The following OR51B5 variants were observed in gnomAD, a reference collection of about 807,000 sequenced individuals.
OR51B5 encodes the protein olfactory receptor family 51 subfamily B member 5.
For missense variants in OR51B5, 456 were observed against 374.6 expected, an observed-to-expected ratio of 1.22 and a Z score of -1.79; for synonymous variants, 186 against 144.8, an observed-to-expected ratio of 1.28 and a Z score of -2.04.
chr11:5,360,997 G>A (rs1196712441), intron 1 of OR51B5, among the ~76,000 whole-genome samples: 1 of 151,290 alleles, frequency 6.6e-6, no homozygotes, highest in Non-Finnish European at 1.5e-5. Context: ...CAGTGGGGTG[G>A]GGGTCGGGGG....
chr11:5,476,834 G>C (rs1428644463), intron 1 of OR51B5, among the ~76,000 whole-genome samples: 14 of 152,178 alleles, frequency 9.2e-5, no homozygotes, highest in Admixed American at 9.2e-4. Context: ...TTGCTGATAT[G>C]TTACAGAGTT....
chr11:5,446,727 T>C (rs561972058), intron 1 of OR51B5, among the ~76,000 whole-genome samples: 6 of 152,332 alleles, frequency 3.9e-5, no homozygotes, highest in African/African-American at 1.4e-4. Flanking sequence ...TATCCCATTC[T>C]AGGGACATCT....
At chr11:5,403,333 A>C (rs2133743432) in intron 1 of OR51B5, 1 of 471,620 alleles carries the variant, frequency 2.1e-6, no homozygotes, top group Non-Finnish European at 4.4e-6. Flanking sequence ...TGTGGCTCAC[A>C]CGTCTGTGCT....
chr11:5,354,007 T>TTATATTTACC (rs1372766940), intron 1 of OR51B5, among the ~76,000 whole-genome samples: 1 of 152,242 alleles, frequency 6.6e-6, no homozygotes, highest in Admixed American at 6.5e-5. Context: ...TTCTTGACTG[T>TTATATTTACC]GTGCTCGAGG....
intron 1 of OR51B5, among the ~76,000 whole-genome samples, chr11:5,377,882 A>C (rs1042974963): frequency 7.9e-5 from 12 of 152,052 alleles, no homozygotes; most frequent in African/African-American, 1.4e-4. Flanking sequence ...AATGGCCATA[A>C]TGCCCAAGGT....
intron 1 of OR51B5, among the ~76,000 whole-genome samples, chr11:5,432,826 G>A (rs1481470642): frequency 6.6e-6 from 1 of 152,122 alleles, no homozygotes. Flanking sequence ...TTGTAGTAAG[G>A]TTACCAATTT....
At chr11:5,385,339 T>C (rs942221101) in intron 1 of OR51B5, 1 of 152,114 alleles carries the variant, frequency 6.6e-6, no homozygotes, top group East Asian at 1.9e-4. Flanking sequence ...AGCCCTGTCA[T>C]TGTCTCTGTA....
chr11:5,368,649 G>C (rs905218214), intron 1 of OR51B5, among the ~76,000 whole-genome samples: 1 of 152,132 alleles, frequency 6.6e-6, no homozygotes, highest in Non-Finnish European at 1.5e-5. Context: ...ATTCTCACAT[G>C]CATCCTGTGA....
intron 1 of OR51B5, among the ~76,000 whole-genome samples, chr11:5,404,616 CG>C (rs1212137944): frequency 2.0e-5 from 3 of 152,160 alleles, no homozygotes; most frequent in African/African-American, 7.2e-5. Context: ...AAGCCAGCAG[CG>C]GCAACCACCT....
rs77882914 is a variant in OR51B5, at chr11:5,444,632, T to C, written n.84+60937A>G. On this transcript the variant is annotated intron_variant and non_coding_transcript_variant, in intron 1 of 4. Transcript: ENST00000415970. ...CACTGGATGGAAGATGCTTTCCTTG[T>C]AGCTGGATATACTATGCTGTGGGTA... 3.9e-4 allele frequency among the ~76,000 whole-genome samples: 59 copies of C among 152,290 alleles called. 2 individuals carry two copies. The East Asian group carries it at 9.6e-3, about 25-fold the overall frequency.
rs1403575743 is a variant in OR51B5, at chr11:5,405,376, A to G, written n.85-58466T>C. 8.5e-5 allele frequency among the ~76,000 whole-genome samples: 13 copies of G among 152,288 alleles called. No homozygotes were observed. In the East Asian group the frequency reaches 1.9e-3, roughly 23 times the overall value. ...AGCTCTTAATGCCTAAATTATGTCA[A>G]CTAAGCAAGAAATAAAGCCTTTGAT... On this transcript the variant is annotated intron_variant and non_coding_transcript_variant, in intron 1 of 4. Transcript: ENST00000415970.
intron 1 of OR51B5, among the ~76,000 whole-genome samples, chr11:5,396,819 G>T (rs1039666830): frequency 6.6e-6 from 1 of 152,166 alleles, no homozygotes; most frequent in Non-Finnish European, 1.5e-5. Flanking sequence ...CAAGGCTACA[G>T]TAACCAAAAC....
chr11:5,395,641 G>A (rs1427259053), intron 1 of OR51B5, among the ~76,000 whole-genome samples: 1 of 152,164 alleles, frequency 6.6e-6, no homozygotes, highest in African/African-American at 2.4e-5. Context: ...ATTTCAGAGT[G>A]CTTTCCTCCA....
At chr11:5,359,139 G>C (rs1849240470) in intron 1 of OR51B5, among the ~76,000 whole-genome samples, 1 of 152,128 alleles carries the variant, frequency 6.6e-6, no homozygotes, top group Non-Finnish European at 1.5e-5. Context: ...GGAATTTCTG[G>C]CCAGGGCAAT....
chr11:5,493,529 C>T (rs1851606953), intron 1 of OR51B5, among the ~76,000 whole-genome samples: 1 of 152,068 alleles, frequency 6.6e-6, no homozygotes, highest in Non-Finnish European at 1.5e-5. Flanking sequence ...CAGTTTGAGT[C>T]TAGGTCGGTT....
intron 1 of OR51B5, chr11:5,402,768 C>T (rs767421417): frequency 1.5e-5 from 7 of 471,330 alleles, no homozygotes; most frequent in Non-Finnish European, 3.1e-5. Flanking sequence ...AGATATTGCC[C>T]TACATCAACC....
Position 5,452,552 on chromosome 11 carries a change from G to C in OR51B5, n.84+53017C>G, listed in dbSNP as rs187040042. On this transcript the variant is annotated intron_variant and non_coding_transcript_variant, in intron 1 of 4. Coordinates refer to the OR51B5 transcript ENST00000415970. Reference sequence around the variant, plus strand: ...AAAAAAAAAAAAAAAAAATCAACAGGGACTGTTTGAATATATTTGCACAAC... The same window carrying C: ...AAAAAAAAAAAAAAAAAATCAACAGCGACTGTTTGAATATATTTGCACAAC... Among the ~76,000 whole-genome samples, 118 of 132,864 alleles carry C rather than the reference G, an allele frequency of 8.9e-4. 3 individuals are homozygous for C. In the East Asian group the frequency reaches 0.024, roughly 26 times the overall value. 87.2% of individuals were successfully genotyped at this position (132,864 alleles called of 152,430 possible). A position where few individuals can be genotyped will look rare whatever the true frequency, so the allele number is the denominator to read the frequency against.
intron 1 of OR51B5, chr11:5,453,603 C>T (rs1357470840): frequency 7.4e-6 from 12 of 1,613,678 alleles, no homozygotes; most frequent in Non-Finnish European, 1.0e-5. Flanking sequence ...TGCTGTGGCC[C>T]TTGGGGGAAA....
At position 5,378,527 on chromosome 11, in the gene OR51B5, C is replaced by A. The variant is rs1336153124; in HGVS notation, n.85-31617G>T. Among the ~76,000 whole-genome samples the A allele has an allele frequency of 2.6e-5, 4 of 152,070 alleles. No homozygotes were observed. In the East Asian group the frequency reaches 5.8e-4, roughly 22 times the overall value. ...ACTACCATCAGAGTGAACAGGCAAC[C>A]TACACAATGGGAGAAAATTTTCACA... On this transcript the variant is annotated intron_variant and non_coding_transcript_variant, in intron 1 of 4. Transcript: ENST00000415970.
Sources: allele counts gnomAD v4.1 joint callset (sites outside exome capture counted in the v4.1 genomes callset), GRCh38; gene constraint gnomAD v4.1.1; transcripts MANE v1.5; gene names NCBI Gene and HGNC (gene_info 2026-07-23, HGNC 2026-07-21).